The following PIKFYVE variants were observed in gnomAD, a reference collection of about 807,000 sequenced individuals.
PIKFYVE encodes the protein 1-phosphatidylinositol 3-phosphate 5-kinase.
Under a neutral mutation model 257.9 loss-of-function variants are expected in PIKFYVE, and 122 were observed. That is an observed-to-expected ratio of 0.47 (90% confidence interval 0.41 to 0.55). PIKFYVE has a LOEUF of 0.55. Among genes scored for constraint, PIKFYVE ranks in the 20% least tolerant of loss-of-function variants. PIKFYVE has a pLI of 0.00. For missense variants in PIKFYVE, 2,160 were observed against 2,536.6 expected (o/e 0.85, Z 3.19); for synonymous variants, 892 against 868.9 (o/e 1.03, Z -0.47).
intron 15 of PIKFYVE, among the ~76,000 whole-genome samples, chr2:208,317,364 A>C (rs961576419): frequency 6.6e-6 from 1 of 152,128 alleles, no homozygotes; most frequent in Non-Finnish European, 1.5e-5. Context: ...ATGCAGCCAA[A>C]AGACACATGA....
Position 208,347,887 on chromosome 2 carries a change from C to T in PIKFYVE, c.5238C>T (p.Phe1746=), listed in dbSNP as rs745424563. The change falls in exon 35 of 42, where the codon TTC becomes TTT. Residue 1746 remains phenylalanine (F), a synonymous_variant. Coordinates refer to ENST00000264380, the MANE Select transcript of PIKFYVE (RefSeq NM_015040.4). ...AAAAGGCTTCTGGAATGTTGTCCTTCTTCAGAGGGACAGCAGGGAAAAGCC... is the reference window on the plus strand; with the variant it reads ...AAAAGGCTTCTGGAATGTTGTCCTTTTTCAGAGGGACAGCAGGGAAAAGCC... ...PTKKASGMLS[F]FRGTAGKSPD... is the part of the protein sequence containing the mutation. 1.2e-6 allele frequency: 2 copies of T among 1,613,674 alleles called. No individual in the cohort carries two copies. Among genetic ancestry groups the T allele is most frequent in the South Asian group, 2.2e-5 (2 of 91,058 alleles).
chr2:208,323,884 G>A (rs922449107), intron 17 of PIKFYVE, among the ~76,000 whole-genome samples: 9 of 152,194 alleles, frequency 5.9e-5, no homozygotes, highest in Admixed American at 5.2e-4. Flanking sequence ...TTTTTCATGT[G>A]TCTGTTGGGT....
At chr2:208,267,307 T>A (rs1192366206) in intron 1 of PIKFYVE, among the ~76,000 whole-genome samples, 2 of 152,158 alleles carry the variant, frequency 1.3e-5, no homozygotes, top group Non-Finnish European at 2.9e-5. Context: ...CTTTCTTTTG[T>A]GTTTGTGACA....
intron 33 of PIKFYVE, among the ~76,000 whole-genome samples, chr2:208,345,809 A>C (rs893643803): frequency 6.6e-6 from 1 of 152,146 alleles, no homozygotes; most frequent in Non-Finnish European, 1.5e-5. Context: ...GGGAAACATA[A>C]TGTATTCCTC....
At chr2:208,339,318 C>T (rs1372565295) in intron 29 of PIKFYVE, 100 bp from the exon 30 acceptor site, 4 of 1,397,254 alleles carry the variant, frequency 2.9e-6, no homozygotes, top group East Asian at 2.3e-5. Context: ...AAAATTCTAC[C>T]TTTTAGGAAG....
chr2:208,305,009 A>G lies in PIKFYVE; in HGVS notation c.1632A>G (p.Gln544=). Residue 544 remains glutamine (Q), a synonymous_variant, in exon 12 of 42, where the codon CAA becomes CAG. Transcript: ENST00000264380. ...YPHVPPHPAD[Q]KEYLISDTGG... is the part of the protein sequence containing the mutation. ...ATGTGCCCCCTCACCCTGCTGACCA[A>G]AAAGGTAGGAGGTAGTCACCATCTG... is the stretch of plus-strand genomic sequence containing the variant. 6.2e-7 allele frequency: 1 copy of G among 1,614,056 alleles called. No individual in the cohort carries two copies. Among genetic ancestry groups the G allele is most frequent in the South Asian group, 1.1e-5 (1 of 91,082 alleles).
chr2:208,330,243 A>G (rs1697376942), intron 22 of PIKFYVE, among the ~76,000 whole-genome samples: 1 of 152,216 alleles, frequency 6.6e-6, no homozygotes, highest in Non-Finnish European at 1.5e-5. Context: ...ATCACTCGCC[A>G]CTTATATGAC....
chr2:208,280,680 G>A (rs950111445), intron 5 of PIKFYVE, among the ~76,000 whole-genome samples: 1 of 152,194 alleles, frequency 6.6e-6, no homozygotes, highest in Non-Finnish European at 1.5e-5. Context: ...TGGATCATCT[G>A]TAAGTGGCTC....
intron 36 of PIKFYVE, 116 bp from the exon 37 acceptor site, chr2:208,350,655 C>T: frequency 9.3e-7 from 1 of 1,072,252 alleles, no homozygotes; most frequent in Non-Finnish European, 1.4e-6. Context: ...ATGCAAAATG[C>T]CATCATGAAG....
chr2:208,276,801 C>G lies in PIKFYVE; in HGVS notation c.412C>G (p.Leu138Val). 6.2e-7 allele frequency: 1 copy of G among 1,613,488 alleles called. No individual in the cohort carries two copies. The highest frequency in any genetic ancestry group is 8.5e-7 in the Non-Finnish European group (1 of 1,179,552). The change falls in exon 4 of 42, where the codon CTC becomes GTC. Residue 138 changes from leucine (L) to valine (V), a missense_variant. By Grantham distance (32) the Leu-to-Val change is conservative (BLOSUM62 1). Around this residue, in one of 12 missense-constraint regions of PIKFYVE, gnomAD observed 172 missense variants for 180.6 expected, o/e 0.95. Transcript: ENST00000264380. ...LRSLSTVLKR[L>V]KEIMEGKSQD... is the part of the protein sequence containing the mutation. ...AAGCCTCAGCACAGTATTAAAACGC[C>G]TCAAGGAAATCATGGAGGGGAAAAG... is the stretch of plus-strand genomic sequence containing the variant.
intron 16 of PIKFYVE, among the ~76,000 whole-genome samples, chr2:208,319,260 T>C (rs1462741402): frequency 2.0e-5 from 3 of 152,220 alleles, no homozygotes; most frequent in South Asian, 4.1e-4. Context: ...TCCTGAAAAT[T>C]ATTAGTGACC....
At position 208,345,184 on chromosome 2, in the gene PIKFYVE, C is replaced by G. The variant is rs757474632; in HGVS notation, c.5101C>G (p.Pro1701Ala). ...TQWNSAEEGL[P>A]TNSTSDSRPK... Reference sequence around the variant, plus strand: ...GTGGAACAGTGCCGAAGAAGGGCTTCCAACAAATAGGTGATTCATGATTGA... The same window carrying G: ...GTGGAACAGTGCCGAAGAAGGGCTTGCAACAAATAGGTGATTCATGATTGA... The change falls in exon 33 of 42, where the codon CCA becomes GCA. Residue 1701 changes from proline to alanine, a missense_variant. Pro to Ala is a conservative substitution (Grantham distance 27). Coordinates refer to ENST00000264380, the MANE Select transcript of PIKFYVE (RefSeq NM_015040.4). The G allele has an allele frequency of 1.2e-6, 2 of 1,608,140 alleles. No homozygotes were observed. The highest frequency in any genetic ancestry group is 1.7e-6 in the Non-Finnish European group (2 of 1,174,844).
Position 208,277,640 on chromosome 2 carries a change from T to C in PIKFYVE, c.545T>C (p.Leu182Pro), listed in dbSNP as rs1434871242. The part of the protein sequence containing the change: ...TTFRRRHHCR[L>P]CGQIFCSRCC... ...TTTAGGCGCAGACACCATTGCCGAC[T>C]ATGTGGGCAGATTTTCTGCAGTCGT... The change falls in exon 5 of 42, where the codon CTA becomes CCA. Residue 182 changes from leucine (L) to proline (P), a missense_variant. Physicochemically the swap from Leu to Pro is moderately conservative, Grantham distance 98. Around this residue, in one of 12 missense-constraint regions of PIKFYVE, gnomAD observed 28 missense variants for 68.2 expected, o/e 0.41. Transcript: ENST00000264380. The C allele has an allele frequency of 2.5e-6, 4 of 1,613,812 alleles. No individual in the cohort carries two copies. The Admixed American group carries it at 6.7e-5, about 27-fold the overall frequency.
chr2:208,285,703 T>C (rs1691482209), intron 5 of PIKFYVE, 23 bp from the exon 6 acceptor site: 1 of 1,593,138 alleles, frequency 6.3e-7, no homozygotes, highest in Non-Finnish European at 8.6e-7. Flanking sequence ...TTCCTTGTTT[T>C]TGTTTTTGTT....
chr2:208,336,720 T>C, intron 27 of PIKFYVE, 118 bp from the exon 28 acceptor site: 1 of 651,856 alleles, frequency 1.5e-6, no homozygotes, highest in Non-Finnish European at 2.7e-6. Flanking sequence ...TTAAAGACTA[T>C]GGTAATCCAA....
chr2:208,354,148 T>C lies in PIKFYVE; in HGVS notation c.6095T>C (p.Val2032Ala). The C allele has an allele frequency of 6.2e-7, 1 of 1,613,246 alleles. No homozygotes were observed. The highest frequency in any genetic ancestry group is 8.5e-7 in the Non-Finnish European group (1 of 1,179,786). The change falls in exon 40 of 42, where the codon GTT (valine) becomes GCT (alanine). Residue 2032 changes from valine (V) to alanine (A), a missense_variant. Val to Ala is a moderately conservative substitution (Grantham distance 64, BLOSUM62 0). This residue lies in a region of PIKFYVE where 699 missense variants were observed against 855.8 expected (regional missense o/e 0.82). Transcript: ENST00000264380. ...GRDDTSNELVVGIIDYIRTFT... is the reference protein window; with the variant it reads ...GRDDTSNELVAGIIDYIRTFT... ...GATGATACTAGCAATGAGCTAGTAG[T>C]TGGAATTATAGGTAAGTCAATGAGT...
In PIKFYVE at chr2:208,315,144, C is replaced by T. The variant is rs760637058; in HGVS notation, c.1827-49C>T. 7 of 1,482,412 alleles carry T rather than the reference C, an allele frequency of 4.7e-6. No individual in the cohort carries two copies. The Admixed American group carries it at 8.5e-5, about 18-fold the overall frequency. 91.8% of individuals were successfully genotyped at this position (1,482,412 alleles called of 1,614,324 possible). A position where few individuals can be genotyped will look rare whatever the true frequency, so the allele number is the denominator to read the frequency against. On this transcript the variant is annotated intron_variant, in intron 14 of 41. Transcript: ENST00000264380. ...TTTGTTTTATCATCAGAATTATTGT[C>T]TCTGGCAGTATTAACTATGCAAACT...
intron 25 of PIKFYVE, 152 bp downstream of exon 25, chr2:208,335,571 G>T: frequency 1.2e-6 from 1 of 812,468 alleles, no homozygotes; most frequent in Non-Finnish European, 1.9e-6. Flanking sequence ...AGACGCTATG[G>T]AAAGATAATA....
intron 24 of PIKFYVE, among the ~76,000 whole-genome samples, chr2:208,334,152 G>A (rs1361978692): frequency 2.0e-5 from 3 of 152,208 alleles, no homozygotes; most frequent in Non-Finnish European, 4.4e-5. Flanking sequence ...AAGAGTCTGA[G>A]CACTTTTTAC....
Sources: allele counts gnomAD v4.1 joint callset (sites outside exome capture counted in the v4.1 genomes callset), GRCh38; gene constraint gnomAD v4.1.1; regional missense constraint gnomAD v4.1.1; transcripts MANE v1.5; gene names NCBI Gene and HGNC (gene_info 2026-07-23, HGNC 2026-07-21).